SPATA18: variants seen among roughly 807,000 people sequenced by gnomAD.
SPATA18 encodes mitochondria-eating protein.
SPATA18 carries 54 observed loss-of-function variants against 68.1 expected under a neutral mutation model. The ratio of observed to expected loss-of-function variants is 0.79; its 90% CI spans 0.64 to 0.99. SPATA18 has a LOEUF of 0.99. SPATA18 is among the 50% of genes least tolerant of loss of function. The pLI, the probability that SPATA18 is intolerant of heterozygous loss-of-function variation, is 0.00. For synonymous variants in SPATA18, 242 were observed against 244.8 expected (o/e 0.99, Z 0.11); for missense variants, 724 against 681.1 (o/e 1.06, Z -0.70).
chr4:52,069,630 A>G (rs1016289724), intron 4 of SPATA18, among the ~76,000 whole-genome samples, 191 bp from the exon 5 acceptor site: 3 of 152,224 alleles, frequency 2.0e-5, no homozygotes, highest in African/African-American at 7.2e-5. Flanking sequence ...AAAGGATGTT[A>G]GCATGTTTTA....
chr4:52,064,648 A>G (rs1447340545), intron 4 of SPATA18, among the ~76,000 whole-genome samples: 2 of 152,172 alleles, frequency 1.3e-5, no homozygotes, highest in Non-Finnish European at 2.9e-5. Context: ...TGGTGTATAT[A>G]TACCACATTT....
intron 10 of SPATA18, 172 bp downstream of exon 10, chr4:52,082,682 T>G: frequency 1.0e-5 from 15 of 1,472,524 alleles, no homozygotes; most frequent in Non-Finnish European, 1.3e-5. Context: ...TCTTTGATTC[T>G]TCCATAATTC....
At position 52,087,540 on chromosome 4, in the gene SPATA18, T is replaced by A. The variant is rs996626296; in HGVS notation, c.1563+2541T>A. 3.3e-5 allele frequency among the ~76,000 whole-genome samples: 5 copies of A among 152,328 alleles called. No individual in the cohort carries two copies. The East Asian group carries it at 7.7e-4, about 23-fold the overall frequency. On this transcript the variant is annotated intron_variant, in intron 11 of 12. Coordinates refer to ENST00000295213, the MANE Select transcript of SPATA18 (RefSeq NM_145263.4). ...TAAATAGGAAATCTTTTTTCCCCTTTGCTTGTTTTTGTCAGATTTGTCAAA... is the reference window on the plus strand; with the variant it reads ...TAAATAGGAAATCTTTTTTCCCCTTAGCTTGTTTTTGTCAGATTTGTCAAA...
At position 52,076,810 on chromosome 4, in the gene SPATA18, C is replaced by G. The variant is rs751730784; in HGVS notation, c.790C>G (p.Pro264Ala). 5.6e-6 allele frequency: 9 copies of G among 1,614,104 alleles called. No homozygotes were observed. In the South Asian group the frequency reaches 9.9e-5, roughly 18 times the overall value. ...SSRSRSPSPA[P>A]RSRSCSRSRS... ...CAGGAGCCGGTCTCCCAGCCCTGCC[C>G]CTCGCAGCCGTAGCTGCAGCCGCAG... The change falls in exon 7 of 13, where the codon CCT becomes GCT. Residue 264 changes from proline to alanine, a missense_variant. Physicochemically the swap from Pro to Ala is conservative, Grantham distance 27. Coordinates refer to ENST00000295213, the MANE Select transcript of SPATA18 (RefSeq NM_145263.4).
chr4:52,079,767 CA>C lies in SPATA18; in HGVS notation c.1205del (p.Asn402IlefsTer32). ...AGGATGTGATCCGAGCCATGAATGTCAATCCCAAGATTTCATTCCCTCCTGT... is the reference window on the plus strand; with the variant it reads ...AGGATGTGATCCGAGCCATGAATGTCATCCCAAGATTTCATTCCCTCCTGT... ...VNDVIRAMNVNPKISFPPVVD... is the reference protein window; with the variant it reads ...VNDVIRAMNVXPKISFPPVVD... On this transcript the variant is annotated frameshift_variant, in exon 9 of 13. Transcript: ENST00000295213. LOFTEE classifies it high-confidence loss of function. 6.2e-7 allele frequency: 1 copy of C among 1,613,942 alleles called. No homozygotes were observed. Among genetic ancestry groups the C allele is most frequent in the Non-Finnish European group, 8.5e-7 (1 of 1,179,888 alleles).
At chr4:52,085,139 T>A (rs2109514191) in intron 11 of SPATA18, 140 bp downstream of exon 11, 1 of 601,686 alleles carries the variant, frequency 1.7e-6, no homozygotes, top group South Asian at 2.3e-5. Context: ...AGCTCCAAAT[T>A]GATTTTTATA....
At chr4:52,065,153 T>C (rs982514664) in intron 4 of SPATA18, among the ~76,000 whole-genome samples, 3 of 152,164 alleles carry the variant, frequency 2.0e-5, no homozygotes, top group Non-Finnish European at 4.4e-5. Context: ...GCGTTCCTTG[T>C]AGATTCTGGA....
At chr4:52,059,332 G>T (rs1378411015) in intron 1 of SPATA18, among the ~76,000 whole-genome samples, 1 of 152,188 alleles carries the variant, frequency 6.6e-6, no homozygotes. Context: ...GCCCTGAGGT[G>T]ACACATAAAT....
intron 1 of SPATA18, among the ~76,000 whole-genome samples, chr4:52,054,224 G>A (rs1738140374): frequency 6.6e-6 from 1 of 152,252 alleles, no homozygotes; most frequent in South Asian, 2.1e-4. Context: ...CATGGCTGCT[G>A]TCTCAGACAG....
At chr4:52,083,023 G>T (rs1180431923) in intron 10 of SPATA18, 4 of 985,228 alleles carry the variant, frequency 4.1e-6, no homozygotes, top group Non-Finnish European at 4.8e-6. Flanking sequence ...AGTTTGGGAA[G>T]GTCGCTTCCT....
intron 3 of SPATA18, 145 bp downstream of exon 3, chr4:52,061,042 G>A (rs1275761839): frequency 7.3e-6 from 5 of 682,414 alleles, no homozygotes; most frequent in African/African-American, 1.8e-5. Context: ...TCCATGGGAC[G>A]GTGTTAGTTT....
Position 52,051,580 on chromosome 4 carries a change from C to G in SPATA18, c.-125C>G. ...CGAGGGGGAGGATGGAAACACCTGCCGCGCTCTGAGCCCCCCAGAAGAGAA... is the reference window on the plus strand; with the variant it reads ...CGAGGGGGAGGATGGAAACACCTGCGGCGCTCTGAGCCCCCCAGAAGAGAA... On this transcript the variant is annotated 5_prime_UTR_variant, in exon 1 of 13. Coordinates refer to ENST00000295213, the MANE Select transcript of SPATA18 (RefSeq NM_145263.4). 1.1e-6 allele frequency: 1 copy of G among 911,602 alleles called. No homozygotes were observed. The highest frequency in any genetic ancestry group is 1.8e-6 in the Non-Finnish European group (1 of 566,116). The allele number at this position is 911,602 out of a possible 1,614,324, so 56.5% of individuals were successfully genotyped here. A position where few individuals can be genotyped will look rare whatever the true frequency, so the allele number is the denominator to read the frequency against.
rs748176574 is a variant in SPATA18 at position 52,096,163 on chromosome 4, T to C, written c.*1276T>C. 1.3e-5 allele frequency: 2 copies of C among 152,172 alleles called. No homozygotes were observed. The highest frequency in any genetic ancestry group is 2.9e-5 in the Non-Finnish European group (2 of 68,038). The allele number at this position is 152,172 out of a possible 1,614,324, so 9.4% of individuals were successfully genotyped here. ...ACCTCTTCAGTGCCTGCCCCTTGAG[T>C]CTAATGGTCACCACCTCATTCTGAA... On this transcript the variant is annotated 3_prime_UTR_variant, in exon 13 of 13. Transcript: ENST00000295213.
chr4:52,060,639 A>C, intron 2 of SPATA18, 115 bp downstream of exon 2: 2 of 1,144,806 alleles, frequency 1.7e-6, no homozygotes, highest in Non-Finnish European at 2.5e-6. Flanking sequence ...TGACCTGATG[A>C]CCTGATGTGT....
intron 11 of SPATA18, among the ~76,000 whole-genome samples, chr4:52,090,110 T>A (rs934147569): frequency 2.0e-5 from 3 of 152,168 alleles, no homozygotes; most frequent in African/African-American, 4.8e-5. Flanking sequence ...AACCCCTGCT[T>A]TTTTTTGCTT....
chr4:52,081,101 A>T (rs528223708), intron 9 of SPATA18, among the ~76,000 whole-genome samples: 1 of 152,210 alleles, frequency 6.6e-6, no homozygotes, highest in Non-Finnish European at 1.5e-5. Flanking sequence ...CACAGAGCAC[A>T]TTATCTTCAT....
intron 10 of SPATA18, 186 bp downstream of exon 10, chr4:52,082,696 A>G (rs1294754485): frequency 1.4e-6 from 2 of 1,445,410 alleles, no homozygotes; most frequent in Non-Finnish European, 1.8e-6. Flanking sequence ...ATAATTCTGC[A>G]TAATTTCCTG....
chr4:52,059,889 A>G (rs1469806158), intron 1 of SPATA18, among the ~76,000 whole-genome samples: 1 of 152,220 alleles, frequency 6.6e-6, no homozygotes, highest in Non-Finnish European at 1.5e-5. Flanking sequence ...GTCTTATAAC[A>G]GGTCTATTTA....
rs201983741 is a variant in SPATA18 at position 52,079,754 on chromosome 4, G to C, written c.1190G>C (p.Arg397Pro). Reference sequence around the variant, plus strand: ...TCTTTTGTTTTTCAGGATGTGATCCGAGCCATGAATGTCAATCCCAAGATT... The same window carrying C: ...TCTTTTGTTTTTCAGGATGTGATCCCAGCCATGAATGTCAATCCCAAGATT... The part of the protein sequence containing the change: ...DSQSSVNDVI[R>P]AMNVNPKISF... The change falls in exon 9 of 13, where the codon CGA becomes CCA. Residue 397 changes from arginine to proline, a missense_variant. By Grantham distance (103) the Arg-to-Pro change is moderately radical. Coordinates refer to ENST00000295213, the MANE Select transcript of SPATA18 (RefSeq NM_145263.4). The C allele has an allele frequency of 1.9e-6, 3 of 1,613,704 alleles. No homozygotes were observed. The highest frequency in any genetic ancestry group is 2.5e-6 in the Non-Finnish European group (3 of 1,179,870).
Sources: allele counts gnomAD v4.1 joint callset (sites outside exome capture counted in the v4.1 genomes callset), GRCh38; gene constraint gnomAD v4.1.1; transcripts MANE v1.5; gene names NCBI Gene and HGNC (gene_info 2026-07-23, HGNC 2026-07-21).